Variants in MOB4 observed in about 807,000 individuals in gnomAD.
The protein encoded by MOB4 is MOB family member 4, phocein, also known as MOB-like protein phocein.
Under a neutral mutation model 32.2 loss-of-function variants are expected in MOB4, and 4 were observed. That is an observed-to-expected ratio of 0.12 (90% CI 0.06 to 0.28). The LOEUF is 0.28. MOB4 is among the 10% of genes least tolerant of loss of function. The pLI is 1.00. For missense variants in MOB4, 158 were observed against 271.2 expected (o/e 0.58, Z 2.93); for synonymous variants, 88 against 88.1 (o/e 1.00, Z 0.01).
chr2:197,550,230 A>G, intron 6 of MOB4, 45 bp from the exon 7 acceptor site: 2 of 1,554,924 alleles, frequency 1.3e-6, no homozygotes, highest in Non-Finnish European at 1.7e-6. Context: ...TGTTCCTAAG[A>G]TTCTATCCAG....
intron 2 of MOB4, among the ~76,000 whole-genome samples, chr2:197,525,220 G>T (rs997909753): frequency 2.0e-4 from 30 of 151,930 alleles, no homozygotes; most frequent in Middle Eastern, 3.2e-3. Context: ...GGTGGTGGGT[G>T]CCTGTAGTCC....
intron 2 of MOB4, among the ~76,000 whole-genome samples, chr2:197,525,764 T>C (rs1217589354): frequency 2.0e-5 from 3 of 151,984 alleles, no homozygotes; most frequent in African/African-American, 7.3e-5. Flanking sequence ...ATTTATTGGC[T>C]TCTCACGATA....
At chr2:197,527,276 C>T (rs1240285677) in intron 2 of MOB4, among the ~76,000 whole-genome samples, 3 of 152,072 alleles carry the variant, frequency 2.0e-5, no homozygotes, top group African/African-American at 7.2e-5. Context: ...CTTACTCATG[C>T]ACACGAGATG....
intron 1 of MOB4, 177 bp downstream of exon 1, chr2:197,516,323 C>T: frequency 1.4e-6 from 2 of 1,427,442 alleles, no homozygotes; most frequent in Non-Finnish European, 1.8e-6. Context: ...GCGGTGGCGG[C>T]CGCCGTGAGG....
At chr2:197,538,215 A>T (rs1054413223) in intron 3 of MOB4, among the ~76,000 whole-genome samples, 10 of 152,016 alleles carry the variant, frequency 6.6e-5, no homozygotes, top group Middle Eastern at 6.8e-3. Context: ...AAAACATTAC[A>T]TAAAACTTTA....
chr2:197,521,661 T>G (rs2086521752), intron 1 of MOB4, among the ~76,000 whole-genome samples: 3 of 152,158 alleles, frequency 2.0e-5, no homozygotes, highest in African/African-American at 7.2e-5. Context: ...AGGCGTGTAT[T>G]CTCTTTCCCA....
In MOB4 at chr2:197,516,122, G is replaced by A. The variant is rs1191213670; in HGVS notation, c.36G>A (p.Arg12=). The A allele has an allele frequency of 2.5e-6, 4 of 1,604,562 alleles. No homozygotes were observed. Among genetic ancestry groups the A allele is most frequent in the African/African-American group, 2.7e-5 (2 of 74,514 alleles). The change falls in exon 1 of 8, where the codon CGG becomes CGA. Residue 12 remains arginine (R), a synonymous_variant. Coordinates refer to ENST00000323303, the MANE Select transcript of MOB4 (RefSeq NM_015387.5). ...CGGAGGGGACGGCAGTGCTGAGGCG[G>A]AACAGGCCGGGCACCAAGGCGCAGG... ...VMAEGTAVLR[R]NRPGTKAQDF... is the part of the protein sequence containing the mutation.
At chr2:197,528,279 G>C (rs2086641185) in intron 2 of MOB4, among the ~76,000 whole-genome samples, 1 of 151,936 alleles carries the variant, frequency 6.6e-6, no homozygotes, top group Admixed American at 6.6e-5. Flanking sequence ...AACATTTTTA[G>C]TATTCTGTTT....
At chr2:197,535,768 C>A in intron 3 of MOB4, 138 bp downstream of exon 3, 1 of 904,554 alleles carries the variant, frequency 1.1e-6, no homozygotes, top group Non-Finnish European at 1.7e-6. Context: ...TTTTCAGTGT[C>A]ACAAGGTTCT....
At chr2:197,524,695 C>T (rs1047460481) in intron 2 of MOB4, among the ~76,000 whole-genome samples, 6 of 151,806 alleles carry the variant, frequency 4.0e-5, no homozygotes, top group Non-Finnish European at 5.9e-5. Flanking sequence ...ATGCTGCCCA[C>T]CTTGAACTCC....
chr2:197,541,018 A>T (rs2086887575), intron 5 of MOB4, among the ~76,000 whole-genome samples: 1 of 151,728 alleles, frequency 6.6e-6, no homozygotes, highest in Admixed American at 6.6e-5. Context: ...CTCATGCATC[A>T]ACCTCCCAAG....
intron 1 of MOB4, among the ~76,000 whole-genome samples, chr2:197,518,881 G>A (rs1258248744): frequency 2.0e-5 from 3 of 151,928 alleles, no homozygotes; most frequent in East Asian, 1.9e-4. Flanking sequence ...TCGGCCTCCC[G>A]AGTAGCTGGG....
intron 5 of MOB4, among the ~76,000 whole-genome samples, chr2:197,541,198 G>C (rs1315559666): frequency 6.6e-6 from 1 of 151,920 alleles, no homozygotes; most frequent in East Asian, 1.9e-4. Flanking sequence ...ACTGTGCCTG[G>C]CCTACTGTAC....
rs149785957 is a variant in MOB4 at position 197,545,753 on chromosome 2, G to A, written c.355-2583G>A. On this transcript the variant is annotated intron_variant, in intron 5 of 7. Coordinates refer to ENST00000323303, the MANE Select transcript of MOB4 (RefSeq NM_015387.5). Reference sequence around the variant, plus strand: ...AATCCTGTGAAACAGAAATTAGGTTGGTTGTTGCTTAGGGCTGGGGGAAGG... The same window carrying A: ...AATCCTGTGAAACAGAAATTAGGTTAGTTGTTGCTTAGGGCTGGGGGAAGG... Among the ~76,000 whole-genome samples, 429 of 152,244 alleles carry A rather than the reference G, an allele frequency of 2.8e-3. 3 individuals carry two copies. The highest frequency in any genetic ancestry group is 8.5e-3 in the South Asian group (41 of 4,826).
chr2:197,534,296 T>C (rs1316378358), intron 2 of MOB4, among the ~76,000 whole-genome samples: 1 of 152,244 alleles, frequency 6.6e-6, no homozygotes, highest in Non-Finnish European at 1.5e-5. Context: ...TATTTAGACT[T>C]CAGAATATCA....
At chr2:197,540,828 T>A (rs2086883369) in intron 5 of MOB4, among the ~76,000 whole-genome samples, 3 of 152,230 alleles carry the variant, frequency 2.0e-5, no homozygotes, top group Non-Finnish European at 4.4e-5. Context: ...TTTGAGCTTT[T>A]AAATATTCAT....
rs577872645 is a variant in MOB4, at chr2:197,535,858, G to A, written c.224+228G>A. Among the ~76,000 whole-genome samples, 68 of 149,948 alleles carry A rather than the reference G, an allele frequency of 4.5e-4. No individual in the cohort carries two copies. The South Asian group carries it at 0.014, about 31-fold the overall frequency. ...TTGAAAGGTGGTTTATTTCAGAGTT[G>A]ATAATTTGGACCTGCCTCTGCACCT... On this transcript the variant is annotated intron_variant, in intron 3 of 7. Coordinates refer to ENST00000323303, the MANE Select transcript of MOB4 (RefSeq NM_015387.5).
intron 3 of MOB4, among the ~76,000 whole-genome samples, chr2:197,537,647 A>G (rs908787228): frequency 5.3e-5 from 8 of 152,216 alleles, no homozygotes; most frequent in African/African-American, 1.9e-4. Context: ...TTTAATATAT[A>G]TGAATGCACA....
At chr2:197,544,086 C>G (rs1028589633) in intron 5 of MOB4, among the ~76,000 whole-genome samples, 6 of 146,702 alleles carry the variant, frequency 4.1e-5, no homozygotes, top group Non-Finnish European at 7.5e-5. Flanking sequence ...TTCGCTCTGT[C>G]GCCCAGGCTG....
Sources: gnomAD v4.1 joint callset for allele counts (sites outside exome capture counted in the v4.1 genomes callset) on GRCh38, gnomAD v4.1.1 for gene constraint, MANE v1.5 for transcripts, NCBI Gene and HGNC (gene_info 2026-07-23, HGNC 2026-07-21) for gene names.